MAP3K6: variants seen among roughly 807,000 people sequenced by gnomAD.
MAP3K6 encodes apoptosis signal-regulating kinase 2.
A neutral mutation model predicts 147.1 loss-of-function variants in MAP3K6; 105 were observed. That is an observed-to-expected ratio of 0.71 (90% CI 0.61 to 0.84). The LOEUF (loss-of-function observed/expected upper bound fraction) is 0.84, where lower values mean the gene tolerates loss of function less well. Among genes scored for constraint, MAP3K6 ranks in the 40% least tolerant of loss-of-function variants. The pLI, the probability that MAP3K6 is intolerant of heterozygous loss-of-function variation, is 0.00. For missense variants in MAP3K6, 1,569 were observed against 1,715.0 expected, an observed-to-expected ratio of 0.91 and a Z score of 1.50; for synonymous variants, 695 against 732.4, an observed-to-expected ratio of 0.95 and a Z score of 0.82.
At position 27,360,485 on chromosome 1, in the gene MAP3K6, C is replaced by A. The variant is rs1017881970; in HGVS notation, c.2055-117G>T. On this transcript the variant is annotated intron_variant, in intron 15 of 28. Transcript: ENST00000357582. This position sits in a 1 kb window ranked among gnomAD's most constrained non-coding sequence, Gnocchi z 4.5. The stretch of plus-strand genomic sequence containing the variant: ...GCCCCGCCCACAAGCCCTCTCCGAC[C>A]TTCCCCACCCTTACTACCCTGCCCA... The A allele has an allele frequency of 7.2e-7, 1 of 1,381,642 alleles. No individual in the cohort carries two copies. Among genetic ancestry groups the A allele is most frequent in the African/African-American group, 1.5e-5 (1 of 68,842 alleles). The allele number at this position is 1,381,642 out of a possible 1,614,324, so 85.6% of individuals were successfully genotyped here.
intron 24 of MAP3K6, 122 bp from the exon 25 acceptor site, chr1:27,356,871 A>T (rs2015546263): frequency 2.1e-6 from 3 of 1,422,462 alleles, no homozygotes; most frequent in African/African-American, 2.8e-5. Flanking sequence ...GGTATGGGAG[A>T]TGTCCATTTA....
At position 27,366,751 on chromosome 1, in the gene MAP3K6, C is replaced by G. The variant is rs754683224; in HGVS notation, c.-154G>C. On this transcript the variant is annotated 5_prime_UTR_variant, in exon 1 of 29. Transcript: ENST00000357582. This position sits in a 1 kb window ranked among gnomAD's most constrained non-coding sequence, Gnocchi z 5.5. ...GGATCCGGAATACGGCCTGACGTCC[C>G]GTTCCAGGAATCTAAAGTCCAGGGA... is the stretch of plus-strand genomic sequence containing the variant. 45 of 461,946 alleles carry G rather than the reference C, an allele frequency of 9.7e-5. No homozygotes were observed. Among genetic ancestry groups the G allele is most frequent in the Non-Finnish European group, 1.2e-4 (43 of 348,334 alleles). 28.6% of individuals were successfully genotyped at this position (461,946 alleles called of 1,614,324 possible).
Position 27,363,516 on chromosome 1 carries a change from C to T in MAP3K6, c.897G>A (p.Thr299=), listed in dbSNP as rs1008506874. The T allele has an allele frequency of 1.2e-6, 2 of 1,613,072 alleles. No homozygotes were observed. The highest frequency in any genetic ancestry group is 1.7e-6 in the Non-Finnish European group (2 of 1,179,452). ...CATCACAGGTGGGCAAGGCCTGCAG[C>T]GTCTCCACCAGCTCAATGATGGCCG... is the stretch of plus-strand genomic sequence containing the variant. The part of the protein sequence containing the change: ...DYSAIIELVE[T]LQALPTCDVA... Residue 299 remains threonine (T), a synonymous_variant, in exon 6 of 29, where the codon ACG becomes ACA. Coordinates refer to ENST00000357582, the MANE Select transcript of MAP3K6 (RefSeq NM_004672.5).
intron 28 of MAP3K6, 100 bp from the exon 29 acceptor site, chr1:27,355,569 C>G (rs2015489855): frequency 1.9e-6 from 3 of 1,571,398 alleles, no homozygotes; most frequent in East Asian, 2.2e-5. Flanking sequence ...CTAGGGGACC[C>G]AGGTGCCCCT....
chr1:27,364,375 G>A lies in MAP3K6; in HGVS notation c.524C>T (p.Thr175Ile). Residue 175 changes from threonine to isoleucine, a missense_variant, in exon 4 of 29, where the codon ACA (threonine) becomes ATA (isoleucine). By Grantham distance (89) the Thr-to-Ile change is moderately conservative. Transcript: ENST00000357582. This position sits in a 1 kb window ranked among gnomAD's most constrained non-coding sequence, Gnocchi z 4.4. ...GGCCGTCACCACATAGGGGATCAGT[G>A]TGTAGCTGCCAACGCAATCCTGGTG... is the stretch of plus-strand genomic sequence containing the variant. Reference protein sequence around the residue: ...QKNSDCVGSYTLIPYVVTATG... With the variant: ...QKNSDCVGSYILIPYVVTATG... 6.2e-7 allele frequency: 1 copy of A among 1,614,116 alleles called. No individual in the cohort carries two copies. The highest frequency in any genetic ancestry group is 1.6e-4 in the Middle Eastern group (1 of 6,062).
At position 27,360,887 on chromosome 1, in the gene MAP3K6, C is replaced by G; in HGVS notation, c.1920+34G>C. On this transcript the variant is annotated intron_variant, in intron 14 of 28. Coordinates refer to ENST00000357582, the MANE Select transcript of MAP3K6 (RefSeq NM_004672.5). This position sits in a 1 kb window ranked among gnomAD's most constrained non-coding sequence, Gnocchi z 4.5. ...GAGTTCAGCAGGGCCCGCGGCCCCT[C>G]GCCCTCCGCGAGCTCCCAGTCCCGC... The G allele has an allele frequency of 6.2e-7, 1 of 1,608,398 alleles. No individual in the cohort carries two copies.
chr1:27,365,297 C>T (rs1247333088), intron 1 of MAP3K6, among the ~76,000 whole-genome samples: 2 of 152,178 alleles, frequency 1.3e-5, no homozygotes, highest in Non-Finnish European at 2.9e-5. Flanking sequence ...CATCAGTGTG[C>T]ATAGACAACG....
intron 24 of MAP3K6, 127 bp downstream of exon 24, chr1:27,356,882 G>C (rs2015546911): frequency 1.4e-6 from 2 of 1,415,878 alleles, no homozygotes; most frequent in East Asian, 2.5e-5. Context: ...TGTCCATTTA[G>C]TCACGCCCCC....
In MAP3K6 at chr1:27,359,962, C is replaced by G. The variant is rs2015685015; in HGVS notation, c.2215G>C (p.Gly739Arg). 1 of 1,613,934 alleles carries G rather than the reference C, an allele frequency of 6.2e-7. No individual in the cohort carries two copies. The highest frequency in any genetic ancestry group is 1.7e-5 in the Admixed American group (1 of 59,986). ...GTGCTCTCGTTGTCCTTCAGGGGTC[C>G]CCACACCGACCGCAGCAAGGAGGAC... ...SLSSLLRSVW[G>R]PLKDNESTIS... The change falls in exon 17 of 29, where the codon GGA (glycine) becomes CGA (arginine). Residue 739 changes from glycine (G) to arginine (R), a missense_variant. Gly to Arg is a moderately radical substitution (Grantham distance 125, BLOSUM62 -2). Transcript: ENST00000357582. This position sits in a 1 kb window ranked among gnomAD's most constrained non-coding sequence, Gnocchi z 4.4.
At chr1:27,361,451 G>T (rs2015766629) in intron 11 of MAP3K6, 56 bp from the exon 12 acceptor site, 2 of 1,611,392 alleles carry the variant, frequency 1.2e-6, no homozygotes. Flanking sequence ...AGGGGTCTGA[G>T]GATGGGAGAA....
In MAP3K6 at chr1:27,355,678, G is replaced by A. The variant is rs776410380; in HGVS notation, c.3779C>T (p.Thr1260Ile). 5.0e-6 allele frequency: 8 copies of A among 1,613,642 alleles called. No individual in the cohort carries two copies. In the Middle Eastern group the frequency reaches 5.2e-4, roughly 105 times the overall value. Residue 1260 changes from threonine to isoleucine, a missense_variant, in exon 28 of 29, where the codon ACC becomes ATC. By Grantham distance (89) the Thr-to-Ile change is moderately conservative. Transcript: ENST00000357582. ...TYATRDDLIY[T>I]RIRGGMVCRI... is the part of the protein sequence containing the mutation. The stretch of plus-strand genomic sequence containing the variant: ...GGGGCCCAGGATGTACCTGATGCGG[G>A]TGTAGATGAGGTCATCTCGAGTGGC...
At chr1:27,356,985 A>G (rs773280564) in intron 24 of MAP3K6, 24 bp downstream of exon 24, 1 of 1,605,998 alleles carries the variant, frequency 6.2e-7, no homozygotes, top group Non-Finnish European at 8.5e-7. Context: ...CGCTGGCAGG[A>G]GGCCCGTGGC....
Position 27,360,916 on chromosome 1 carries a change from C to T in MAP3K6, c.1920+5G>A, listed in dbSNP as rs1308512585. On this transcript the variant is annotated splice_donor_5th_base_variant and intron_variant, in intron 14 of 28. Transcript: ENST00000357582. This position sits in a 1 kb window ranked among gnomAD's most constrained non-coding sequence, Gnocchi z 4.5. ...CTCCGCGAGCTCCCAGTCCCGCGTCCTCACCTCCAACATCTCCCCCGCGCC... is the reference window on the plus strand; with the variant it reads ...CTCCGCGAGCTCCCAGTCCCGCGTCTTCACCTCCAACATCTCCCCCGCGCC... 3 of 1,608,510 alleles carry T rather than the reference C, an allele frequency of 1.9e-6. No individual in the cohort carries two copies. The highest frequency in any genetic ancestry group is 1.3e-5 in the African/African-American group (1 of 74,826).
Position 27,360,391 on chromosome 1 carries a change from GGA to G in MAP3K6, c.2055-25_2055-24del, listed in dbSNP as rs756231663. 8 of 1,608,850 alleles carry G rather than the reference GGA, an allele frequency of 5.0e-6. 1 individual carries two copies. The South Asian group carries it at 8.8e-5, about 18-fold the overall frequency. ...AACCTGAGGGGAGGTAAGGGAGAGA[GGA>G]AAGGGACCGAGGTGGGCAGAGAAGC... On this transcript the variant is annotated intron_variant, in intron 15 of 28. Transcript: ENST00000357582. This position sits in a 1 kb window ranked among gnomAD's most constrained non-coding sequence, Gnocchi z 4.5.
rs1366213995 is a variant in MAP3K6 at position 27,360,981 on chromosome 1, C to T, written c.1860G>A (p.Val620=). The T allele has an allele frequency of 2.5e-6, 4 of 1,604,794 alleles. No individual in the cohort carries two copies. Among genetic ancestry groups the T allele is most frequent in the Non-Finnish European group, 3.4e-6 (4 of 1,175,526 alleles). The part of the protein sequence containing the change: ...QWFCGLIQAW[V]TNPDSTAPAE... Reference sequence around the variant, plus strand: ...CGGGCGCCGTGGAATCCGGGTTCGTCACCCAGGCCTGGATCAGGCCGCAGA... The same window carrying T: ...CGGGCGCCGTGGAATCCGGGTTCGTTACCCAGGCCTGGATCAGGCCGCAGA... The change falls in exon 14 of 29, where the codon GTG becomes GTA. Residue 620 remains valine (V), a synonymous_variant. Coordinates refer to ENST00000357582, the MANE Select transcript of MAP3K6 (RefSeq NM_004672.5). The surrounding 1 kb of genome is among the most constrained non-coding windows in gnomAD (Gnocchi z 4.5).
At chr1:27,356,255 A>G (rs1571059519) in intron 26 of MAP3K6, 133 bp downstream of exon 26, 1 of 1,092,426 alleles carries the variant, frequency 9.2e-7, no homozygotes, top group African/African-American at 1.6e-5. Context: ...GCTGCCTCGA[A>G]CCCACCAATA....
Position 27,360,135 on chromosome 1 carries a change from C to A in MAP3K6, c.2182+106G>T, listed in dbSNP as rs2015691561. 1.3e-6 allele frequency: 2 copies of A among 1,577,374 alleles called. No individual in the cohort carries two copies. The highest frequency in any genetic ancestry group is 1.7e-6 in the Non-Finnish European group (2 of 1,157,594). On this transcript the variant is annotated intron_variant, in intron 16 of 28. Transcript: ENST00000357582. The surrounding 1 kb of genome is among the most constrained non-coding windows in gnomAD (Gnocchi z 4.5). ...CCTCAGCTAATTCTAGGCTACACCACCCACACGCACTAGGGTGCATTTCCC... is the reference window on the plus strand; with the variant it reads ...CCTCAGCTAATTCTAGGCTACACCAACCACACGCACTAGGGTGCATTTCCC...
intron 23 of MAP3K6, 133 bp downstream of exon 23, chr1:27,357,267 G>C: frequency 7.4e-7 from 1 of 1,351,040 alleles, no homozygotes. Context: ...CTGGGCAGAC[G>C]GTTTTTTGCT....
intron 28 of MAP3K6, 69 bp downstream of exon 28, chr1:27,355,600 T>C (rs550648615): frequency 3.3e-4 from 519 of 1,594,524 alleles, no homozygotes; most frequent in Admixed American, 1.3e-3. Context: ...GGAAGGAACC[T>C]AGGCAGGCCT....
Sources: allele counts gnomAD v4.1 joint callset (sites outside exome capture counted in the v4.1 genomes callset), GRCh38; gene constraint gnomAD v4.1.1; non-coding constraint Gnocchi (gnomAD v3.1); transcripts MANE v1.5; gene names NCBI Gene and HGNC (gene_info 2026-07-23, HGNC 2026-07-21).